CLTA: variants seen among roughly 807,000 people sequenced by gnomAD.
CLTA encodes clathrin light chain A.
Under a neutral mutation model 26.9 loss-of-function variants are expected in CLTA, and 9 were observed. That is an observed-to-expected ratio of 0.33 (90% CI 0.20 to 0.58). CLTA has a LOEUF of 0.58. Ranked by LOEUF, CLTA falls within the 20% of genes least tolerant of loss-of-function variation. The probability of loss-of-function intolerance (pLI) is 0.85; values close to 1 mark genes in which losing one functional copy is unlikely to be tolerated. For synonymous variants in CLTA, 120 were observed against 115.5 expected (o/e 1.04, Z -0.25); for missense variants, 278 against 294.2 (o/e 0.94, Z 0.40).
chr9:36,206,302 T>C (rs1247813807), intron 4 of CLTA, among the ~76,000 whole-genome samples: 2 of 117,688 alleles, frequency 1.7e-5, no homozygotes, highest in Non-Finnish European at 4.1e-5. Flanking sequence ...CTTGAGAGCA[T>C]AACGCTAGTG....
At chr9:36,191,377 G>C in intron 1 of CLTA, 104 bp downstream of exon 1, 1 of 1,314,240 alleles carries the variant, frequency 7.6e-7, no homozygotes, top group Non-Finnish European at 1.0e-6. Flanking sequence ...TGAATTAGGA[G>C]GTTAGGGAGC....
rs558905068 is a variant in CLTA, at chr9:36,199,644, CAG to C, written c.373+549_373+550del. Among the ~76,000 whole-genome samples, 38 of 151,222 alleles carry C rather than the reference CAG, an allele frequency of 2.5e-4. No homozygotes were observed. In the South Asian group the frequency reaches 7.9e-3, roughly 32 times the overall value. ...TTTTTTTTTGTATTTTTAGTAGAGA[CAG>C]GGTTTCACCGTGTTAGCCAGGTTGG... is the stretch of plus-strand genomic sequence containing the variant. On this transcript the variant is annotated intron_variant, in intron 3 of 4. Coordinates refer to ENST00000345519, the MANE Select transcript of CLTA (RefSeq NM_001833.4).
At chr9:36,192,710 G>A (rs898747737) in intron 1 of CLTA, among the ~76,000 whole-genome samples, 9 of 152,282 alleles carry the variant, frequency 5.9e-5, no homozygotes, top group Middle Eastern at 3.4e-3. Context: ...CAATCCTAGA[G>A]AGAAACGACT....
chr9:36,201,884 G>A (rs1827434791), intron 3 of CLTA, among the ~76,000 whole-genome samples: 1 of 152,090 alleles, frequency 6.6e-6, no homozygotes, highest in Non-Finnish European at 1.5e-5. Flanking sequence ...GGCTGAGGTG[G>A]GAGGATCACT....
chr9:36,196,275 T>A (rs900262481), intron 1 of CLTA, among the ~76,000 whole-genome samples: 12 of 136,220 alleles, frequency 8.8e-5, no homozygotes, highest in African/African-American at 3.0e-4. Context: ...AGAGCAAGAC[T>A]CTCTCTCAAA....
At position 36,211,538 on chromosome 9, in the gene CLTA, A is replaced by G. The variant is rs549320605; in HGVS notation, c.486-65A>G. On this transcript the variant is annotated intron_variant, in intron 4 of 4. Transcript: ENST00000345519. The stretch of plus-strand genomic sequence containing the variant: ...CAAATAGGCAGTTGCTTGTGTAGCA[A>G]GGCAGCCACCAGGTTGCTCAAAGGG... 2.5e-5 allele frequency: 38 copies of G among 1,529,924 alleles called. No individual in the cohort carries two copies. In the South Asian group the frequency reaches 4.0e-4, roughly 16 times the overall value. 94.8% of individuals were successfully genotyped at this position (1,529,924 alleles called of 1,614,324 possible).
intron 3 of CLTA, among the ~76,000 whole-genome samples, chr9:36,199,997 C>T (rs976265848): frequency 2.6e-5 from 4 of 152,210 alleles, no homozygotes; most frequent in African/African-American, 9.7e-5. Context: ...CCATCCCCAT[C>T]AGCCACATTG....
intron 4 of CLTA, among the ~76,000 whole-genome samples, chr9:36,210,121 T>A (rs575877134): frequency 5.9e-5 from 9 of 152,024 alleles, no homozygotes; most frequent in African/African-American, 1.9e-4. Context: ...TTCTTTTTTT[T>A]AAGGATTTCT....
intron 1 of CLTA, among the ~76,000 whole-genome samples, chr9:36,197,173 A>G (rs1358647704): frequency 1.3e-5 from 2 of 152,186 alleles, no homozygotes; most frequent in Non-Finnish European, 2.9e-5. Context: ...AGACTGTCTC[A>G]AAGATGAAGC....
At chr9:36,204,861 A>G (rs1370765651) in intron 4 of CLTA, among the ~76,000 whole-genome samples, 4 of 152,200 alleles carry the variant, frequency 2.6e-5, no homozygotes, top group Admixed American at 6.5e-5. Context: ...AGCAGCAAAG[A>G]GAGGATATGT....
intron 1 of CLTA, among the ~76,000 whole-genome samples, chr9:36,196,413 C>G (rs1269266714): frequency 6.9e-6 from 1 of 144,834 alleles, no homozygotes; most frequent in Non-Finnish European, 1.5e-5. Context: ...GTGGCGCGAT[C>G]TTGGCTCACT....
At chr9:36,200,098 A>G (rs1827316482) in intron 3 of CLTA, among the ~76,000 whole-genome samples, 1 of 152,230 alleles carries the variant, frequency 6.6e-6, no homozygotes, top group Non-Finnish European at 1.5e-5. Context: ...CTGTTGGTTC[A>G]TGATCAGGGG....
intron 1 of CLTA, among the ~76,000 whole-genome samples, chr9:36,195,507 T>G (rs747561229): frequency 1.2e-4 from 19 of 152,068 alleles, no homozygotes; most frequent in Non-Finnish European, 2.5e-4. Context: ...CCACCATGAG[T>G]TTGTTTTTTT....
intron 4 of CLTA, among the ~76,000 whole-genome samples, chr9:36,207,056 T>C (rs1827765432): frequency 6.6e-6 from 1 of 152,120 alleles, no homozygotes; most frequent in Non-Finnish European, 1.5e-5. Flanking sequence ...GGCATCCAGT[T>C]AATTGTGAGA....
intron 3 of CLTA, among the ~76,000 whole-genome samples, chr9:36,200,653 T>G (rs913149904): frequency 3.9e-5 from 6 of 152,358 alleles, no homozygotes; most frequent in African/African-American, 1.4e-4. Context: ...ATTTGAACCT[T>G]TATAGCACCA....
At chr9:36,207,144 T>A (rs1827772549) in intron 4 of CLTA, among the ~76,000 whole-genome samples, 1 of 152,182 alleles carries the variant, frequency 6.6e-6, no homozygotes, top group Non-Finnish European at 1.5e-5. Context: ...CGCCTGGCAC[T>A]GCACTGGGGG....
At chr9:36,198,490 A>C (rs572560491) in intron 2 of CLTA, among the ~76,000 whole-genome samples, 1 of 151,990 alleles carries the variant, frequency 6.6e-6, no homozygotes, top group Admixed American at 6.5e-5. Context: ...CAGCCTGGCC[A>C]ACACAGTGAA....
chr9:36,208,856 G>A (rs1055408699), intron 4 of CLTA, among the ~76,000 whole-genome samples: 10 of 152,216 alleles, frequency 6.6e-5, no homozygotes, highest in Admixed American at 5.9e-4. Context: ...GTGTAGCTGA[G>A]CAAGTTGTTC....
chr9:36,205,531 G>A (rs1457844534), intron 4 of CLTA, among the ~76,000 whole-genome samples: 1 of 152,154 alleles, frequency 6.6e-6, no homozygotes, highest in Non-Finnish European at 1.5e-5. Context: ...TGCGACCCCA[G>A]CATTTAAGTT....
Sources: allele counts gnomAD v4.1 joint callset (sites outside exome capture counted in the v4.1 genomes callset), GRCh38; gene constraint gnomAD v4.1.1; transcripts MANE v1.5; gene names NCBI Gene and HGNC (gene_info 2026-07-23, HGNC 2026-07-21).